Variants in BCAT1 observed in about 807,000 individuals in gnomAD.
The protein encoded by BCAT1 is branched chain amino acid transaminase 1, also known as branched-chain-amino-acid aminotransferase, cytosolic.
BCAT1 carries 48 observed loss-of-function variants against 52.4 expected under a neutral mutation model. The ratio of observed to expected loss-of-function variants is 0.92; its 90% CI spans 0.73 to 1.16. BCAT1 has a LOEUF of 1.16. Among genes scored for constraint, BCAT1 ranks in the 50% most tolerant of loss-of-function variants. The pLI is 0.00. For missense variants in BCAT1, 451 were observed against 457.1 expected (o/e 0.99, Z 0.12); for synonymous variants, 167 against 161.3 (o/e 1.04, Z -0.27).
In BCAT1 at chr12:24,816,912, G is replaced by A. The variant is rs1939895635; in HGVS notation, c.*1096C>T. The A allele has an allele frequency of 4.2e-6, 1 of 240,030 alleles. No individual in the cohort carries two copies. The highest frequency in any genetic ancestry group is 2.2e-5 in the African/African-American group (1 of 45,262). 14.9% of individuals were successfully genotyped at this position (240,030 alleles called of 1,614,324 possible). On this transcript the variant is annotated 3_prime_UTR_variant, in exon 11 of 11. Coordinates refer to ENST00000261192, the MANE Select transcript of BCAT1 (RefSeq NM_005504.7). ...TAATGCTGCCACTGAGCTGACAAGA[G>A]GTGGAGTTCAGGTGGTAATTCGAGT...
chr12:24,881,487 T>TG, intron 3 of BCAT1, 76 bp from the exon 4 acceptor site: 1 of 906,340 alleles, frequency 1.1e-6, no homozygotes, highest in Non-Finnish European at 1.8e-6. Context: ...GACTTTCCTA[T>TG]GGGCGTTCAT....
rs553004321 is a variant in BCAT1, at chr12:24,812,937, G to C, written c.*5071C>G. 6.6e-6 allele frequency: 1 copy of C among 152,068 alleles called. No individual in the cohort carries two copies. Among genetic ancestry groups the C allele is most frequent in the South Asian group, 2.1e-4 (1 of 4,820 alleles). 9.4% of individuals were successfully genotyped at this position (152,068 alleles called of 1,614,324 possible). On this transcript the variant is annotated 3_prime_UTR_variant, in exon 11 of 11. Transcript: ENST00000261192. ...TCATGCAACTCAAGTTATACGTCTT[G>C]TTGATTGGGTCTATTGTAGAATGAA...
At chr12:24,897,789 G>C (rs965434419) in intron 2 of BCAT1, among the ~76,000 whole-genome samples, 1 of 152,070 alleles carries the variant, frequency 6.6e-6, no homozygotes, top group Non-Finnish European at 1.5e-5. Flanking sequence ...CCTGACCTCA[G>C]GTGACCCACC....
chr12:24,848,702 A>G (rs1197098747), intron 6 of BCAT1, among the ~76,000 whole-genome samples: 1 of 152,232 alleles, frequency 6.6e-6, no homozygotes, highest in Non-Finnish European at 1.5e-5. Flanking sequence ...AAAGAAATCA[A>G]GAGTCAAAAA....
intron 3 of BCAT1, among the ~76,000 whole-genome samples, chr12:24,893,455 G>A (rs899088572): frequency 4.6e-5 from 7 of 152,212 alleles, no homozygotes; most frequent in African/African-American, 9.7e-5. Context: ...AGCCCAGGAT[G>A]TCTGACTTCA....
intron 5 of BCAT1, among the ~76,000 whole-genome samples, chr12:24,869,132 T>TA (rs1447931723): frequency 2.0e-5 from 3 of 152,200 alleles, no homozygotes; most frequent in African/African-American, 4.8e-5. Context: ...TGAGGAAAGT[T>TA]AATAAGACAG....
At chr12:24,938,505 G>T (rs1481135980) in intron 1 of BCAT1, among the ~76,000 whole-genome samples, 1 of 152,168 alleles carries the variant, frequency 6.6e-6, no homozygotes, top group African/African-American at 2.4e-5. Flanking sequence ...ACAGTGACAA[G>T]GGGAATTTAA....
intron 2 of BCAT1, among the ~76,000 whole-genome samples, chr12:24,898,855 T>C (rs1389776775): frequency 6.6e-6 from 1 of 152,144 alleles, no homozygotes; most frequent in Non-Finnish European, 1.5e-5. Flanking sequence ...GCACATTTGC[T>C]CTTCTCTTCA....
chr12:24,902,736 G>T, intron 1 of BCAT1: 1 of 719,464 alleles, frequency 1.4e-6, no homozygotes, highest in Non-Finnish European at 2.1e-6. Flanking sequence ...TGGGCAGCGG[G>T]AACCTCGAAG....
chr12:24,890,755 A>G (rs1942814690), intron 3 of BCAT1, among the ~76,000 whole-genome samples: 1 of 152,244 alleles, frequency 6.6e-6, no homozygotes, highest in Non-Finnish European at 1.5e-5. Flanking sequence ...AATAACCATT[A>G]AAATAGCCAA....
chr12:24,937,503 T>C (rs1361298583), intron 1 of BCAT1, among the ~76,000 whole-genome samples: 1 of 146,580 alleles, frequency 6.8e-6, no homozygotes, highest in Admixed American at 6.8e-5. Context: ...TTTTTGTTGG[T>C]TTTTGTTTGT....
At chr12:24,947,170 C>T (rs765221620) in intron 1 of BCAT1, among the ~76,000 whole-genome samples, 3 of 29,732 alleles carry the variant, frequency 1.0e-4, no homozygotes, top group Admixed American at 2.7e-4. Flanking sequence ...CTTCCCTCCA[C>T]ACACACACAC....
At chr12:24,924,540 C>T (rs999467209) in intron 1 of BCAT1, among the ~76,000 whole-genome samples, 5 of 152,068 alleles carry the variant, frequency 3.3e-5, no homozygotes, top group Non-Finnish European at 7.3e-5. Context: ...TACACAACCT[C>T]ACTTCAGTGT....
chr12:24,880,956 A>G (rs532928955), intron 4 of BCAT1, among the ~76,000 whole-genome samples: 3 of 151,876 alleles, frequency 2.0e-5, no homozygotes, highest in Non-Finnish European at 2.9e-5. Context: ...CTCATGCCTC[A>G]GCCACACCGA....
At chr12:24,824,883 T>C (rs1940320426) in intron 10 of BCAT1, among the ~76,000 whole-genome samples, 2 of 152,296 alleles carry the variant, frequency 1.3e-5, no homozygotes, top group East Asian at 1.9e-4. Flanking sequence ...ATTTATATTC[T>C]TGTTTTTTTC....
At chr12:24,925,582 C>A (rs1943565906) in intron 1 of BCAT1, among the ~76,000 whole-genome samples, 2 of 140,376 alleles carry the variant, frequency 1.4e-5, no homozygotes. Flanking sequence ...CCCTCCCCCT[C>A]TCCCTCTCCC....
At chr12:24,861,620 A>G (rs2139518561) in intron 5 of BCAT1, among the ~76,000 whole-genome samples, 1 of 152,310 alleles carries the variant, frequency 6.6e-6, no homozygotes, top group Middle Eastern at 3.4e-3. Context: ...CAGAAGATGG[A>G]TCTTCATCTG....
At chr12:24,927,308 GA>G (rs1242016574) in intron 1 of BCAT1, among the ~76,000 whole-genome samples, 4 of 147,320 alleles carry the variant, frequency 2.7e-5, no homozygotes, top group South Asian at 2.1e-4. Flanking sequence ...ACTCTGTCTC[GA>G]AAAAAAAAGA....
At chr12:24,855,759 T>A (rs1031166279) in intron 5 of BCAT1, among the ~76,000 whole-genome samples, 9 of 152,224 alleles carry the variant, frequency 5.9e-5, no homozygotes, top group African/African-American at 2.2e-4. Flanking sequence ...TCCTTTCTGC[T>A]GATTCCATCT....
Sources: gnomAD v4.1 joint callset for allele counts (sites outside exome capture counted in the v4.1 genomes callset) on GRCh38, gnomAD v4.1.1 for gene constraint, MANE v1.5 for transcripts, NCBI Gene and HGNC (gene_info 2026-07-23, HGNC 2026-07-21) for gene names.